ABI3BP: variants seen among roughly 807,000 people sequenced by gnomAD.
ABI3BP encodes the protein target of Nesh-SH3.
ABI3BP carries 216 observed loss-of-function variants against 268.6 expected under a neutral mutation model. The ratio of observed to expected loss-of-function variants is 0.80; its 90% CI spans 0.72 to 0.90. The LOEUF (loss-of-function observed/expected upper bound fraction) is 0.90. Among genes scored for constraint, ABI3BP ranks in the 40% least tolerant of loss-of-function variants. ABI3BP has a pLI of 0.00. For synonymous variants in ABI3BP, 730 were observed against 730.0 expected (o/e 1.00, Z 0.00); for missense variants, 2,090 against 2,182.4 (o/e 0.96, Z 0.84).
At chr3:100,983,394 C>A (rs1191978762) in intron 1 of ABI3BP, among the ~76,000 whole-genome samples, 1 of 152,128 alleles carries the variant, frequency 6.6e-6, no homozygotes, top group Non-Finnish European at 1.5e-5. Flanking sequence ...ATTTATATAA[C>A]CCGTACTTTC....
At chr3:100,889,815 C>T (rs2043683928) in intron 4 of ABI3BP, among the ~76,000 whole-genome samples, 2 of 152,040 alleles carry the variant, frequency 1.3e-5, no homozygotes, top group Admixed American at 1.3e-4. Flanking sequence ...ATCCACAGCT[C>T]CTCAAAATGT....
intron 43 of ABI3BP, chr3:100,816,251 C>A (rs1469277643): frequency 3.5e-5 from 16 of 462,518 alleles, no homozygotes; most frequent in Non-Finnish European, 4.9e-5. Flanking sequence ...GGATATTTGG[C>A]TTTGGAAATT....
At chr3:100,769,690 A>G (rs1031347661) in intron 62 of ABI3BP, among the ~76,000 whole-genome samples, 1 of 152,136 alleles carries the variant, frequency 6.6e-6, no homozygotes, top group African/African-American at 2.4e-5. Flanking sequence ...GTACTGAGAG[A>G]TTAATTGATT....
intron 1 of ABI3BP, among the ~76,000 whole-genome samples, chr3:100,948,238 G>T (rs533415350): frequency 6.6e-6 from 1 of 152,092 alleles, no homozygotes; most frequent in Non-Finnish European, 1.5e-5. Context: ...TCTGAGAAAT[G>T]AATAATACAA....
intron 43 of ABI3BP, 63 bp from the exon 44 acceptor site, chr3:100,816,034 T>C: frequency 1.6e-6 from 2 of 1,228,594 alleles, no homozygotes; most frequent in Middle Eastern, 4.9e-4. Flanking sequence ...AAATCCTCAA[T>C]TTTTATTTTA....
At chr3:100,924,057 A>G (rs1260740235) in intron 2 of ABI3BP, among the ~76,000 whole-genome samples, 1 of 152,156 alleles carries the variant, frequency 6.6e-6, no homozygotes, top group Non-Finnish European at 1.5e-5. Flanking sequence ...TCTAGATCTA[A>G]TTACATCTTC....
intron 54 of ABI3BP, 45 bp downstream of exon 54, chr3:100,794,878 C>T (rs2097299029): frequency 3.5e-6 from 5 of 1,441,644 alleles, no homozygotes; most frequent in African/African-American, 1.4e-5. Flanking sequence ...AGGGAAATTC[C>T]TAAAAGGCAA....
At position 100,774,689 on chromosome 3, in the gene ABI3BP, A is replaced by C; in HGVS notation, c.4463-16T>G. 1 of 1,542,546 alleles carries C rather than the reference A, an allele frequency of 6.5e-7. No homozygotes were observed. The highest frequency in any genetic ancestry group is 8.8e-7 in the Non-Finnish European group (1 of 1,141,020). On this transcript the variant is annotated splice_polypyrimidine_tract_variant and intron_variant, in intron 60 of 67. Coordinates refer to ENST00000471714, the MANE Select transcript of ABI3BP (RefSeq NM_001375547.2). ...GTTATATTTTCTGAGAATGGAAAATAATGAACAGTTTTGGCAAAAGATAAA... is the reference window on the plus strand; with the variant it reads ...GTTATATTTTCTGAGAATGGAAAATCATGAACAGTTTTGGCAAAAGATAAA...
intron 2 of ABI3BP, among the ~76,000 whole-genome samples, chr3:100,922,966 A>G (rs769465262): frequency 6.6e-6 from 1 of 152,220 alleles, no homozygotes; most frequent in Non-Finnish European, 1.5e-5. Flanking sequence ...CTTGGAACAA[A>G]AGTTCATTTT....
intron 6 of ABI3BP, among the ~76,000 whole-genome samples, chr3:100,881,739 A>G (rs562533784): frequency 6.6e-6 from 1 of 152,130 alleles, no homozygotes; most frequent in East Asian, 1.9e-4. Context: ...ATGGATCTCA[A>G]GTGATTTATT....
At chr3:100,816,373 C>A in intron 43 of ABI3BP, 1 of 490,508 alleles carries the variant, frequency 2.0e-6, no homozygotes, top group Non-Finnish European at 3.6e-6. Context: ...ACAAATGGAT[C>A]ACATGTTTCA....
At chr3:100,912,912 A>G (rs896626050) in intron 2 of ABI3BP, among the ~76,000 whole-genome samples, 2 of 152,208 alleles carry the variant, frequency 1.3e-5, no homozygotes, top group Non-Finnish European at 2.9e-5. Context: ...TGTAGCTATC[A>G]GCTGCCTTTG....
At chr3:100,755,656 T>C (rs2095575074) in intron 63 of ABI3BP, among the ~76,000 whole-genome samples, 1 of 152,232 alleles carries the variant, frequency 6.6e-6, no homozygotes, top group Non-Finnish European at 1.5e-5. Context: ...GCAATTTTTA[T>C]TCATAAAATA....
intron 9 of ABI3BP, among the ~76,000 whole-genome samples, chr3:100,867,651 A>AAAC (rs1561032005): frequency 1.3e-5 from 2 of 150,740 alleles, no homozygotes; most frequent in African/African-American, 4.9e-5. Context: ...AAAAAAAAAA[A>AAAC]AAAAAAAAAA....
At chr3:100,776,634 T>C (rs1296069782) in intron 59 of ABI3BP, among the ~76,000 whole-genome samples, 1 of 152,192 alleles carries the variant, frequency 6.6e-6, no homozygotes, top group Admixed American at 6.5e-5. Context: ...AGGCCAAATC[T>C]GTACCAGTGC....
chr3:100,842,474 T>G (rs1019123090), intron 20 of ABI3BP, among the ~76,000 whole-genome samples: 1 of 152,214 alleles, frequency 6.6e-6, no homozygotes, highest in Admixed American at 6.5e-5. Context: ...GGACCTGACG[T>G]TCTCTCACAA....
At chr3:100,832,441 T>TA in intron 30 of ABI3BP, 91 bp from the exon 31 acceptor site, 3 of 1,227,292 alleles carry the variant, frequency 2.4e-6, no homozygotes, top group Non-Finnish European at 3.4e-6. Context: ...AAATACTTGT[T>TA]AGAGTTTGAG....
At position 100,753,671 on chromosome 3, in the gene ABI3BP, A is replaced by G. The variant is rs906870018; in HGVS notation, c.4960+148T>C. The G allele has an allele frequency of 8.9e-5, 78 of 876,426 alleles. No homozygotes were observed. The South Asian group carries it at 1.2e-3, about 13-fold the overall frequency. The allele number at this position is 876,426 out of a possible 1,614,324, so 54.3% of individuals were successfully genotyped here. On this transcript the variant is annotated intron_variant, in intron 65 of 67. Coordinates refer to ENST00000471714, the MANE Select transcript of ABI3BP (RefSeq NM_001375547.2). ...ACATCATGGGTCCTCAGTGTTGTACAATGTGTAGGTAAACATTCACAACTG... is the reference window on the plus strand; with the variant it reads ...ACATCATGGGTCCTCAGTGTTGTACGATGTGTAGGTAAACATTCACAACTG...
intron 1 of ABI3BP, among the ~76,000 whole-genome samples, chr3:100,938,524 C>G (rs2067308592): frequency 6.6e-6 from 1 of 152,022 alleles, no homozygotes; most frequent in African/African-American, 2.4e-5. Context: ...TGGCCAGAGA[C>G]AATTATACAA....
Sources: gnomAD v4.1 joint callset for allele counts (sites outside exome capture counted in the v4.1 genomes callset) on GRCh38, gnomAD v4.1.1 for gene constraint, MANE v1.5 for transcripts, NCBI Gene and HGNC (gene_info 2026-07-23, HGNC 2026-07-21) for gene names.